RFPL4AL1: variants seen among roughly 807,000 people sequenced by gnomAD.
The protein encoded by RFPL4AL1 is ret finger protein like 4A like 1.
In RFPL4AL1, 2 loss-of-function variants were observed where a neutral mutation model predicts 8.2. That is an observed-to-expected ratio of 0.24 (90% CI 0.10 to 0.77). RFPL4AL1 has a LOEUF of 0.77. Among genes scored for constraint, RFPL4AL1 ranks in the 30% least tolerant of loss-of-function variants. The pLI is 0.72. For missense variants in RFPL4AL1, 57 were observed against 350.3 expected (o/e 0.16, Z 6.68); for synonymous variants, 25 against 131.8 (o/e 0.19, Z 5.55).
chr19:55,771,266 A>G, intron 1 of RFPL4AL1, among the ~76,000 whole-genome samples: 1 of 152,202 alleles, frequency 6.6e-6, no homozygotes, highest in Admixed American at 6.5e-5. Context: ...GAATCTTAAG[A>G]TAACCCATAT....
At chr19:55,769,547 T>TA in intron 1 of RFPL4AL1, among the ~76,000 whole-genome samples, 1 of 71,990 alleles carries the variant, frequency 1.4e-5, no homozygotes, top group Admixed American at 1.5e-4. Flanking sequence ...TATTTTCTGA[T>TA]TTTTTTTTTG....
rs1013591366 is a variant in RFPL4AL1, at chr19:55,770,252, A to G, written c.-10+1077A>G. Among the ~76,000 whole-genome samples the G allele has an allele frequency of 6.4e-4, 97 of 152,024 alleles. 2 individuals carry two copies. Among genetic ancestry groups the G allele is most frequent in the African/African-American group, 2.0e-3 (85 of 41,474 alleles). On this transcript the variant is annotated intron_variant, in intron 1 of 2. Coordinates refer to ENST00000341750, the MANE Select transcript of RFPL4AL1 (RefSeq NM_001277397.2). The stretch of plus-strand genomic sequence containing the variant: ...GCCATCCTAGCAGAGAGGGGGTAAT[A>G]TCTCATCGCGGTTTTATTGCTGGAG...
chr19:55,769,370 C>G (rs959527693), intron 1 of RFPL4AL1, among the ~76,000 whole-genome samples, 195 bp downstream of exon 1: 8 of 152,008 alleles, frequency 5.3e-5, no homozygotes, highest in East Asian at 3.9e-4. Context: ...AGGCAAGAGA[C>G]TTGACAATCT....
At chr19:55,769,321 C>CCTGGTAACGGTTAGG (rs1278799973) in intron 1 of RFPL4AL1, 146 bp downstream of exon 1, 3 of 152,124 alleles carry the variant, frequency 2.0e-5, no homozygotes, top group Admixed American at 2.0e-4. Context: ...GGACCTCTGC[C>CCTGGTAACGGTTAGG]CTGGTAACGG....
intron 1 of RFPL4AL1, among the ~76,000 whole-genome samples, chr19:55,771,042 C>T (rs1989482715): frequency 6.7e-6 from 1 of 149,134 alleles, no homozygotes; most frequent in Non-Finnish European, 1.5e-5. Context: ...AATCCATTGT[C>T]ATATATATGG....
intron 1 of RFPL4AL1, among the ~76,000 whole-genome samples, chr19:55,771,086 G>GTTTTTTTTTTTTTTTTTTTTTTTTTTTT (rs74183507): frequency 7.7e-6 from 1 of 130,378 alleles, no homozygotes; most frequent in Non-Finnish European, 1.6e-5. Context: ...TCTGTTTTTT[G>GTTTTTTTTTTTTTTTTTTTTTTTTTTTT]TTTTTTTTTT....
intron 1 of RFPL4AL1, among the ~76,000 whole-genome samples, chr19:55,769,772 A>C (rs1409045594): frequency 6.6e-6 from 1 of 151,574 alleles, no homozygotes; most frequent in East Asian, 1.9e-4. Flanking sequence ...CTATGAGATC[A>C]GTCAACTCAG....
intron 1 of RFPL4AL1, among the ~76,000 whole-genome samples, chr19:55,770,050 A>G (rs1416461367): frequency 8.5e-5 from 13 of 152,090 alleles, no homozygotes; most frequent in Middle Eastern, 3.4e-3. Flanking sequence ...TTTCTTTCAC[A>G]TAGAAACACA....
Position 55,771,947 on chromosome 19 carries a change from T to A in RFPL4AL1, c.143T>A (p.Leu48Gln), listed in dbSNP as rs2122666526. 3 of 1,533,486 alleles carry A rather than the reference T, an allele frequency of 2.0e-6. No homozygotes were observed. The Admixed American group carries it at 6.2e-5, about 32-fold the overall frequency. 95.0% of individuals were successfully genotyped at this position (1,533,486 alleles called of 1,614,324 possible). ...LQKEPDGEGL[L>Q]CRFCSVVSQK... is the part of the protein sequence containing the mutation. ...AAGGAGCCCGATGGGGAAGGTTTAC[T>A]GTGCCGTTTCTGCTCTGTGGTCTCT... is the stretch of plus-strand genomic sequence containing the variant. Residue 48 changes from leucine to glutamine, a missense_variant, in exon 2 of 3, where the codon CTG (leucine) becomes CAG (glutamine). Leu to Gln is a moderately radical substitution (Grantham distance 113, BLOSUM62 -2). Transcript: ENST00000341750.
chr19:55,771,086 G>GTTTTTTTTTTTTT (rs74183507), intron 1 of RFPL4AL1, among the ~76,000 whole-genome samples: 3 of 130,366 alleles, frequency 2.3e-5, no homozygotes, highest in African/African-American at 3.1e-5. Flanking sequence ...TCTGTTTTTT[G>GTTTTTTTTTTTTT]TTTTTTTTTT....
intron 1 of RFPL4AL1, among the ~76,000 whole-genome samples, chr19:55,769,453 C>G (rs536604239): frequency 1.3e-5 from 2 of 151,716 alleles, no homozygotes; most frequent in Non-Finnish European, 2.9e-5. Context: ...GGCTGCGTTA[C>G]TCAACGTCAG....
At chr19:55,769,794 C>A (rs1296450551) in intron 1 of RFPL4AL1, among the ~76,000 whole-genome samples, 1 of 151,646 alleles carries the variant, frequency 6.6e-6, no homozygotes, top group African/African-American at 2.4e-5. Flanking sequence ...TTCCACATAA[C>A]TGAGATCATA....
chr19:55,772,839 A>C lies in RFPL4AL1; in HGVS notation c.524A>C (p.Gln175Pro). ...VGVCKESVNR[Q>P]GKIELSSEHG... ...GTGTGCAAGGAATCTGTCAACCGAC[A>C]GGGGAAGATTGAGCTTTCTTCAGAA... The change falls in exon 3 of 3, where the codon CAG becomes CCG. Residue 175 changes from glutamine (Q) to proline (P), a missense_variant. By Grantham distance (76) the Gln-to-Pro change is moderately conservative. Transcript: ENST00000341750. 5 of 1,550,770 alleles carry C rather than the reference A, an allele frequency of 3.2e-6. No individual in the cohort carries two copies. Among genetic ancestry groups the C allele is most frequent in the Non-Finnish European group, 4.4e-6 (5 of 1,146,632 alleles).
chr19:55,773,121 T>A lies in RFPL4AL1; in HGVS notation c.806T>A (p.Ile269Asn). Residue 269 changes from isoleucine to asparagine, a missense_variant, in exon 3 of 3, where the codon ATC becomes AAC. By Grantham distance (149) the Ile-to-Asn change is moderately radical. Coordinates refer to ENST00000341750, the MANE Select transcript of RFPL4AL1 (RefSeq NM_001277397.2). ...CAAGATGATCAGAGCATCCTGAGTA[T>A]CTGTTCTGTGATCAATCCATCCACT... Reference protein sequence around the residue: ...GSQDDQSILSICSVINPSTAS... With the variant: ...GSQDDQSILSNCSVINPSTAS... 6.5e-7 allele frequency: 1 copy of A among 1,544,316 alleles called. No individual in the cohort carries two copies.
rs575424289 is a variant in RFPL4AL1 at position 55,770,736 on chromosome 19, T to C, written c.-9-1060T>C. Among the ~76,000 whole-genome samples, 417 of 152,058 alleles carry C rather than the reference T, an allele frequency of 2.7e-3. 5 individuals carry two copies. The highest frequency in any genetic ancestry group is 2.9e-3 in the Non-Finnish European group (197 of 67,928). On this transcript the variant is annotated intron_variant, in intron 1 of 2. Transcript: ENST00000341750. ...ATGAGCCCAGGTTCCTCCTTGTCCT[T>C]GTAATTTTAATGACAAGTGGCTAAT...
At chr19:55,771,226 T>A (rs2547282) in intron 1 of RFPL4AL1, among the ~76,000 whole-genome samples, 54,551 of 131,000 alleles carry the variant, frequency 0.42, 8,449 homozygotes, top group Middle Eastern at 0.51. Context: ...AAGTAGAAGG[T>A]CTTCAAATGG....
rs967774849 is a variant in RFPL4AL1 at position 55,771,999 on chromosome 19, C to G, written c.195C>G (p.Tyr65Ter). The change falls in exon 2 of 3, where the codon TAC becomes TAG. Residue 65 changes from tyrosine (Y) to a stop codon, truncating the protein, a stop_gained. Coordinates refer to ENST00000341750, the MANE Select transcript of RFPL4AL1 (RefSeq NM_001277397.2). LOFTEE classifies it high-confidence loss of function. ...AGAAGGATGACATCAAGCCCAAGTA[C>G]AAGCTGAGGGCGCTGGTTTCCATCA... ...VSQKDDIKPK[Y>*]KLRALVSIIK... The G allele has an allele frequency of 6.6e-7, 1 of 1,523,282 alleles. No homozygotes were observed. Among genetic ancestry groups the G allele is most frequent in the African/African-American group, 1.4e-5 (1 of 71,128 alleles). 94.4% of individuals were successfully genotyped at this position (1,523,282 alleles called of 1,614,324 possible).
intron 1 of RFPL4AL1, among the ~76,000 whole-genome samples, chr19:55,769,495 T>A (rs1989449645): frequency 6.6e-6 from 1 of 151,616 alleles, no homozygotes; most frequent in South Asian, 2.1e-4. Context: ...TGTTTTCCTA[T>A]TCTCCCCTTC....
At chr19:55,770,259 C>T (rs1021718888) in intron 1 of RFPL4AL1, among the ~76,000 whole-genome samples, 2 of 151,916 alleles carry the variant, frequency 1.3e-5, no homozygotes, top group African/African-American at 2.4e-5. Context: ...AATATCTCAT[C>T]GCGGTTTTAT....
Sources: allele counts gnomAD v4.1 joint callset (sites outside exome capture counted in the v4.1 genomes callset), GRCh38; gene constraint gnomAD v4.1.1; transcripts MANE v1.5; gene names NCBI Gene and HGNC (gene_info 2026-07-23, HGNC 2026-07-21).